Variants in PTPRR observed in about 807,000 individuals in gnomAD.
PTPRR encodes the protein receptor-type tyrosine-protein phosphatase R.
Under a neutral mutation model 77.2 loss-of-function variants are expected in PTPRR, and 38 were observed. That is an observed-to-expected ratio of 0.49 (90% confidence interval 0.38 to 0.65). The LOEUF is 0.65. PTPRR is among the 30% of genes least tolerant of loss of function. The pLI is 0.00. For synonymous variants in PTPRR, 299 were observed against 283.1 expected (o/e 1.06, Z -0.57); for missense variants, 744 against 799.2 (o/e 0.93, Z 0.83).
At chr12:70,885,679 C>T (rs551500674) in intron 2 of PTPRR, among the ~76,000 whole-genome samples, 20 of 151,472 alleles carry the variant, frequency 1.3e-4, no homozygotes, top group Middle Eastern at 3.4e-3. Context: ...GGACTATAGG[C>T]GCCCACCACC....
intron 10 of PTPRR, among the ~76,000 whole-genome samples, chr12:70,669,976 G>A (rs941819963): frequency 3.3e-5 from 5 of 152,208 alleles, no homozygotes; most frequent in Non-Finnish European, 7.4e-5. Context: ...TAATTAAAAT[G>A]AATATTTTCT....
At chr12:70,734,567 G>A (rs1330749773) in intron 6 of PTPRR, among the ~76,000 whole-genome samples, 2 of 152,140 alleles carry the variant, frequency 1.3e-5, no homozygotes, top group Non-Finnish European at 2.9e-5. Context: ...GGGTGAAGCA[G>A]CCTGTATGAG....
chr12:70,830,829 T>C (rs770353259), intron 2 of PTPRR, among the ~76,000 whole-genome samples: 22 of 152,366 alleles, frequency 1.4e-4, no homozygotes, highest in South Asian at 4.1e-4. Context: ...CCTGAAATTG[T>C]TGAATCAAAG....
chr12:70,846,081 C>T (rs567332890), intron 2 of PTPRR, among the ~76,000 whole-genome samples: 9 of 152,088 alleles, frequency 5.9e-5, no homozygotes, highest in Admixed American at 2.6e-4. Flanking sequence ...TAAGCAACAA[C>T]TTAAGGATTA....
intron 2 of PTPRR, among the ~76,000 whole-genome samples, chr12:70,852,651 G>A (rs1892589680): frequency 6.6e-6 from 1 of 152,188 alleles, no homozygotes; most frequent in Admixed American, 6.5e-5. Context: ...AGAAGAGGCA[G>A]TATTAGTGTG....
intron 2 of PTPRR, among the ~76,000 whole-genome samples, chr12:70,780,871 T>A (rs1425051842): frequency 4.6e-5 from 7 of 152,176 alleles, no homozygotes; most frequent in Admixed American, 4.6e-4. Flanking sequence ...CATGTGCAGG[T>A]CTGTGCTTTC....
chr12:70,836,987 T>A (rs771252832), intron 2 of PTPRR, among the ~76,000 whole-genome samples: 9 of 152,050 alleles, frequency 5.9e-5, no homozygotes, highest in Admixed American at 1.3e-4. Context: ...TAAAGAAAAA[T>A]TATCTTATTT....
chr12:70,684,981 C>A, intron 8 of PTPRR, 198 bp from the exon 9 acceptor site: 1 of 429,184 alleles, frequency 2.3e-6, no homozygotes, highest in Admixed American at 4.1e-5. Context: ...TGACATAAAG[C>A]TCATCCATAA....
intron 2 of PTPRR, among the ~76,000 whole-genome samples, chr12:70,807,912 C>A (rs544296753): frequency 1.3e-5 from 2 of 152,236 alleles, no homozygotes; most frequent in Middle Eastern, 3.4e-3. Flanking sequence ...AGGATAACAG[C>A]GATTTTCAGG....
At chr12:70,899,524 A>T (rs766316552) in intron 1 of PTPRR, among the ~76,000 whole-genome samples, 35 of 151,492 alleles carry the variant, frequency 2.3e-4, no homozygotes, top group Non-Finnish European at 2.7e-4. Context: ...ATGTCTATTC[A>T]TAGTAAGAAA....
At chr12:70,825,589 C>T (rs1892094911) in intron 2 of PTPRR, among the ~76,000 whole-genome samples, 1 of 152,194 alleles carries the variant, frequency 6.6e-6, no homozygotes, top group Non-Finnish European at 1.5e-5. Context: ...TTCTCAAATC[C>T]CTTTCCCTCT....
At chr12:70,879,553 G>T (rs1191157116) in intron 2 of PTPRR, among the ~76,000 whole-genome samples, 1 of 152,186 alleles carries the variant, frequency 6.6e-6, no homozygotes, top group Admixed American at 6.5e-5. Context: ...TTAGGAAGGA[G>T]AATTGGTCCC....
intron 2 of PTPRR, among the ~76,000 whole-genome samples, chr12:70,834,333 A>G (rs1483607411): frequency 6.6e-6 from 1 of 152,172 alleles, no homozygotes; most frequent in Non-Finnish European, 1.5e-5. Context: ...ATGAATGACA[A>G]TGTTGTGAGC....
intron 2 of PTPRR, among the ~76,000 whole-genome samples, chr12:70,790,109 G>A (rs759809075): frequency 6.6e-6 from 1 of 152,068 alleles, no homozygotes; most frequent in Non-Finnish European, 1.5e-5. Context: ...ATATTCAAAT[G>A]TGTTATAATA....
chr12:70,701,392 G>T, intron 6 of PTPRR, 69 bp from the exon 7 acceptor site: 3 of 1,366,648 alleles, frequency 2.2e-6, no homozygotes, highest in Non-Finnish European at 2.0e-6. Context: ...TTGTCTTTCT[G>T]TACATGCACA....
intron 2 of PTPRR, among the ~76,000 whole-genome samples, chr12:70,876,124 A>G (rs1334739702): frequency 6.6e-6 from 1 of 152,180 alleles, no homozygotes; most frequent in Admixed American, 6.5e-5. Flanking sequence ...ATTAATTAAA[A>G]TACTCTTGGG....
chr12:70,730,815 G>C (rs1889626552), intron 6 of PTPRR, among the ~76,000 whole-genome samples: 1 of 151,666 alleles, frequency 6.6e-6, no homozygotes, highest in Non-Finnish European at 1.5e-5. Flanking sequence ...GAGAGAGAGA[G>C]AGACAGAGAG....
At chr12:70,768,371 C>A (rs571320421) in intron 2 of PTPRR, among the ~76,000 whole-genome samples, 2 of 152,174 alleles carry the variant, frequency 1.3e-5, no homozygotes, top group African/African-American at 4.8e-5. Context: ...TCAGAGAATA[C>A]TACAAACACC....
chr12:70,663,606 G>A (rs1302392544), intron 10 of PTPRR, among the ~76,000 whole-genome samples: 1 of 152,120 alleles, frequency 6.6e-6, no homozygotes, highest in Non-Finnish European at 1.5e-5. Context: ...TGCAAAATGA[G>A]ATTCAAGCAT....
Sources: allele counts gnomAD v4.1 joint callset (sites outside exome capture counted in the v4.1 genomes callset), GRCh38; gene constraint gnomAD v4.1.1; transcripts MANE v1.5; gene names NCBI Gene and HGNC (gene_info 2026-07-23, HGNC 2026-07-21).